The following DNAH11 variants were observed in gnomAD, a reference collection of about 807,000 sequenced individuals.
The protein encoded by DNAH11 is dynein axonemal heavy chain 11, also known as axonemal beta dynein heavy chain 11.
DNAH11 carries 442 observed loss-of-function variants against 526.0 expected under a neutral mutation model. The ratio of observed to expected loss-of-function variants is 0.84; its 90% CI spans 0.78 to 0.91. DNAH11 has a LOEUF of 0.91. Among genes scored for constraint, DNAH11 ranks in the 40% least tolerant of loss-of-function variants. DNAH11 has a pLI of 0.00. For synonymous variants in DNAH11, 2,461 were observed against 1,935.9 expected (o/e 1.27, Z -7.12); for missense variants, 6,989 against 5,448.7 (o/e 1.28, Z -8.90).
At chr7:21,774,367 A>C (rs879190548) in intron 56 of DNAH11, among the ~76,000 whole-genome samples, 2 of 151,942 alleles carry the variant, frequency 1.3e-5, no homozygotes, top group Non-Finnish European at 2.9e-5. Flanking sequence ...CAGATTCTCA[A>C]CCTCCAGTGA....
intron 65 of DNAH11, among the ~76,000 whole-genome samples, chr7:21,837,160 TAGCCATTATG>T (rs2128012575): frequency 6.6e-6 from 1 of 152,260 alleles, no homozygotes. Context: ...TAAATCGGTA[TAGCCATTATG>T]GAAAAGAGTG....
chr7:21,830,110 T>C (rs183380892), intron 65 of DNAH11, among the ~76,000 whole-genome samples: 12 of 152,302 alleles, frequency 7.9e-5, no homozygotes, highest in African/African-American at 2.4e-5. Flanking sequence ...ATCTGACGTT[T>C]GAAAGGTTAA....
intron 65 of DNAH11, among the ~76,000 whole-genome samples, chr7:21,824,140 T>C (rs1220282649): frequency 6.6e-6 from 1 of 152,202 alleles, no homozygotes; most frequent in Non-Finnish European, 1.5e-5. Flanking sequence ...AAATGTCCTA[T>C]ACTAGTTGCA....
chr7:21,683,216 A>G lies in DNAH11; in HGVS notation c.5461-568A>G, dbSNP rs141542234. The stretch of plus-strand genomic sequence containing the variant: ...GTTCAACTGATTCTCAAGAAATCCA[A>G]GGGTCACATTTATCTTGAAAGAGAC... On this transcript the variant is annotated intron_variant, in intron 31 of 81. Transcript: ENST00000409508. Among the ~76,000 whole-genome samples, 482 of 152,346 alleles carry G rather than the reference A, an allele frequency of 3.2e-3. 4 individuals carry two copies. Among genetic ancestry groups the G allele is most frequent in the African/African-American group, 0.011 (468 of 41,596 alleles).
chr7:21,694,236 G>C (rs936158611), intron 35 of DNAH11, among the ~76,000 whole-genome samples: 2 of 152,000 alleles, frequency 1.3e-5, no homozygotes, highest in Admixed American at 1.3e-4. Context: ...GAATGTGCAG[G>C]TTTGTTACAT....
At position 21,693,096 on chromosome 7, in the gene DNAH11, G is replaced by A. The variant is rs115056009; in HGVS notation, c.6041+2215G>A. Among the ~76,000 whole-genome samples, 659 of 152,256 alleles carry A rather than the reference G, an allele frequency of 4.3e-3. 5 individuals carry two copies. Among genetic ancestry groups the A allele is most frequent in the African/African-American group, 0.015 (621 of 41,532 alleles). ...TCCATCAAAGATAGAAGTTTTAAAT[G>A]TGATGAAATATAATTTATCAATTTG... On this transcript the variant is annotated intron_variant, in intron 35 of 81. Transcript: ENST00000409508.
chr7:21,715,710 G>A (rs1384279672), intron 42 of DNAH11, among the ~76,000 whole-genome samples: 3 of 151,896 alleles, frequency 2.0e-5, no homozygotes, highest in Non-Finnish European at 4.4e-5. Context: ...TAAATTTACT[G>A]TCTTTTAATG....
intron 12 of DNAH11, among the ~76,000 whole-genome samples, chr7:21,590,048 G>A (rs966500253): frequency 6.6e-6 from 1 of 151,968 alleles, no homozygotes; most frequent in Non-Finnish European, 1.5e-5. Flanking sequence ...TTATTGAACA[G>A]GTCTTTTGTT....
intron 25 of DNAH11, among the ~76,000 whole-genome samples, chr7:21,623,773 C>T (rs188755745): frequency 6.9e-6 from 1 of 144,678 alleles, no homozygotes; most frequent in Non-Finnish European, 1.5e-5. Flanking sequence ...AATGAGAACA[C>T]ATGGACACAG....
At chr7:21,614,935 T>C (rs1390579370) in intron 20 of DNAH11, among the ~76,000 whole-genome samples, 179 bp from the exon 21 acceptor site, 3 of 152,244 alleles carry the variant, frequency 2.0e-5, no homozygotes, top group South Asian at 2.1e-4. Context: ...TTCTCACTTT[T>C]TGTGCAGCTG....
intron 51 of DNAH11, among the ~76,000 whole-genome samples, chr7:21,746,539 G>C (rs911864042): frequency 6.6e-6 from 1 of 152,080 alleles, no homozygotes; most frequent in African/African-American, 2.4e-5. Flanking sequence ...GGAGTTCGAG[G>C]TTGCAGTGGG....
chr7:21,655,847 G>A lies in DNAH11; in HGVS notation c.4960G>A (p.Ala1654Thr), dbSNP rs1327130521. The A allele has an allele frequency of 6.2e-7, 1 of 1,612,868 alleles. No homozygotes were observed. The highest frequency in any genetic ancestry group is 8.5e-7 in the Non-Finnish European group (1 of 1,179,330). Reference sequence around the variant, plus strand: ...CTCATTTTAGGTAACATGTCACCTTGCCAAACTTTTCGACAGCATTGCAGA... The same window carrying A: ...CTCATTTTAGGTAACATGTCACCTTACCAAACTTTTCGACAGCATTGCAGA... ...AQPKQVTCHL[A>T]KLFDSIADLQ... Residue 1654 changes from alanine to threonine, a missense_variant, in exon 29 of 82, where the codon GCC (alanine) becomes ACC (threonine). Transcript: ENST00000409508.
chr7:21,714,885 C>T (rs111808223), intron 42 of DNAH11, among the ~76,000 whole-genome samples: 2 of 152,306 alleles, frequency 1.3e-5, no homozygotes, highest in Non-Finnish European at 1.5e-5. Context: ...AGACTAGATA[C>T]TTCTAGATGA....
chr7:21,838,972 C>A (rs1782101937), intron 65 of DNAH11, among the ~76,000 whole-genome samples: 1 of 152,076 alleles, frequency 6.6e-6, no homozygotes, highest in African/African-American at 2.4e-5. Context: ...TATGAGGGCT[C>A]CAGTTTCTCC....
At chr7:21,827,084 C>G (rs79852695) in intron 65 of DNAH11, among the ~76,000 whole-genome samples, 3 of 152,208 alleles carry the variant, frequency 2.0e-5, no homozygotes, top group African/African-American at 7.2e-5. Context: ...TAATTTGGTT[C>G]GAGTAATGGT....
At chr7:21,728,237 C>CTTTTTTTTTTTTTTTTTTTTTTTTTTT (rs71026816) in intron 45 of DNAH11, among the ~76,000 whole-genome samples, 1 of 58,870 alleles carries the variant, frequency 1.7e-5, no homozygotes, top group African/African-American at 7.7e-5. Flanking sequence ...GCCCACAATT[C>CTTTTTTTTTTTTTTTTTTTTTTTTTTT]TTTTTTTTTT....
At chr7:21,632,859 C>T (rs376842796) in intron 25 of DNAH11, among the ~76,000 whole-genome samples, 23 of 152,150 alleles carry the variant, frequency 1.5e-4, no homozygotes, top group African/African-American at 4.3e-4. Flanking sequence ...TTCAATAGCA[C>T]CCCACCCTAT....
Position 21,619,965 on chromosome 7 carries a change from G to A in DNAH11, c.4387G>A (p.Glu1463Lys). The A allele has an allele frequency of 6.3e-7, 1 of 1,598,914 alleles. No homozygotes were observed. The highest frequency in any genetic ancestry group is 8.5e-7 in the Non-Finnish European group (1 of 1,174,988). Residue 1463 changes from glutamate to lysine, a missense_variant, in exon 25 of 82, where the codon GAA becomes AAA. Transcript: ENST00000409508. ...KELGTEKVIT[E>K]ISQTWATMKF... ...TATTGTTGATTACTAGGTTATTACTGAAATCAGTCAGACCTGGGCAACCAT... is the reference window on the plus strand; with the variant it reads ...TATTGTTGATTACTAGGTTATTACTAAAATCAGTCAGACCTGGGCAACCAT...
At chr7:21,765,280 G>A (rs960608424) in intron 54 of DNAH11, 148 bp from the exon 55 acceptor site, 1 of 1,107,108 alleles carries the variant, frequency 9.0e-7, no homozygotes, top group East Asian at 2.5e-5. Flanking sequence ...TAGCAAGGAG[G>A]TTAATGTTGC....
Sources: allele counts gnomAD v4.1 joint callset (sites outside exome capture counted in the v4.1 genomes callset), GRCh38; gene constraint gnomAD v4.1.1; transcripts MANE v1.5; gene names NCBI Gene and HGNC (gene_info 2026-07-23, HGNC 2026-07-21).